TACC2: variants seen among roughly 807,000 people sequenced by gnomAD.
TACC2 encodes transforming acidic coiled-coil-containing protein 2.
In TACC2, 137 loss-of-function variants were observed where a neutral mutation model predicts 227.3. The ratio of observed to expected loss-of-function variants is 0.60; its 90% CI spans 0.52 to 0.69. TACC2 has a LOEUF of 0.69. Among genes scored for constraint, TACC2 ranks in the 30% least tolerant of loss-of-function variants. The pLI is 0.00. For missense variants in TACC2, 3,470 were observed against 3,694.4 expected, an observed-to-expected ratio of 0.94 and a Z score of 1.57; for synonymous variants, 1,523 against 1,487.5, an observed-to-expected ratio of 1.02 and a Z score of -0.55.
At chr10:121,990,989 T>C (rs1236182261) in intron 1 of TACC2, among the ~76,000 whole-genome samples, 1 of 152,168 alleles carries the variant, frequency 6.6e-6, no homozygotes, top group East Asian at 1.9e-4. Flanking sequence ...TTTTGCCATA[T>C]TGGCCAGGCT....
chr10:122,222,601 G>A (rs1423048502), intron 11 of TACC2, among the ~76,000 whole-genome samples: 1 of 152,214 alleles, frequency 6.6e-6, no homozygotes, highest in Non-Finnish European at 1.5e-5. Flanking sequence ...CTTCCTTTTG[G>A]CAGGTAGCAG....
intron 14 of TACC2, 67 bp downstream of exon 14, chr10:122,228,075 A>C: frequency 6.6e-7 from 1 of 1,524,350 alleles, no homozygotes; most frequent in Non-Finnish European, 8.9e-7. Flanking sequence ...ATTGTCACCA[A>C]GAAGGCCAGG....
intron 7 of TACC2, among the ~76,000 whole-genome samples, chr10:122,176,683 A>G (rs952650832): frequency 2.0e-5 from 3 of 152,218 alleles, no homozygotes; most frequent in Admixed American, 6.5e-5. Flanking sequence ...TTTGAATGAG[A>G]TTAGTCACAG....
intron 14 of TACC2, 39 bp downstream of exon 14, chr10:122,228,047 G>T: frequency 2.5e-6 from 4 of 1,590,932 alleles, no homozygotes; most frequent in Non-Finnish European, 3.4e-6. Flanking sequence ...CAGGGGATGA[G>T]GTGTGGGCCA....
chr10:122,234,116 C>G (rs1381956402), intron 16 of TACC2, among the ~76,000 whole-genome samples: 2 of 152,220 alleles, frequency 1.3e-5, no homozygotes, highest in African/African-American at 4.8e-5. Context: ...ATGGCAGGTG[C>G]TCTCCCCAGA....
At chr10:122,136,543 G>GTA (rs747076679) in intron 6 of TACC2, among the ~76,000 whole-genome samples, 149 of 143,282 alleles carry the variant, frequency 1.0e-3, no homozygotes, top group African/African-American at 3.5e-3. Flanking sequence ...TTGTGTGTGT[G>GTA]TGTATATATA....
intron 7 of TACC2, among the ~76,000 whole-genome samples, chr10:122,151,969 G>T (rs1431796559): frequency 6.6e-6 from 1 of 152,190 alleles, no homozygotes; most frequent in Non-Finnish European, 1.5e-5. Context: ...TCTGGGCAGG[G>T]GCTCGCTGGG....
intron 2 of TACC2, among the ~76,000 whole-genome samples, chr10:122,047,733 C>T (rs1419972459): frequency 6.6e-6 from 1 of 152,204 alleles, no homozygotes; most frequent in Non-Finnish European, 1.5e-5. Flanking sequence ...TCCCTTAAGA[C>T]AGTTGTGCAA....
At chr10:122,241,873 A>G (rs1028032601) in intron 18 of TACC2, 85 bp from the exon 19 acceptor site, 2 of 1,295,274 alleles carry the variant, frequency 1.5e-6, no homozygotes, top group Non-Finnish European at 2.2e-6. Flanking sequence ...CCTGCTGGAC[A>G]TGGGTCAGGC....
chr10:122,087,003 A>G lies in TACC2; in HGVS notation c.4503A>G (p.Ala1501=). ...CTTCAGACAAGCTTCTGGGTCCAGC[A>G]GGGCTGACCTGGGAGCGGAACTTGC... The part of the protein sequence containing the change: ...DPASDKLLGP[A]GLTWERNLPG... The change falls in exon 4 of 23, where the codon GCA becomes GCG. Residue 1501 remains alanine (A), a synonymous_variant. Coordinates refer to ENST00000369005, the MANE Select transcript of TACC2 (RefSeq NM_206862.4). 1 of 1,613,958 alleles carries G rather than the reference A, an allele frequency of 6.2e-7. No homozygotes were observed.
intron 5 of TACC2, among the ~76,000 whole-genome samples, chr10:122,118,994 C>A (rs954731070): frequency 4.6e-5 from 7 of 152,118 alleles, no homozygotes; most frequent in Non-Finnish European, 8.8e-5. Flanking sequence ...ATTAAACAAA[C>A]CACATAAGAT....
At chr10:122,162,179 C>T (rs1592764675) in intron 7 of TACC2, among the ~76,000 whole-genome samples, 1 of 152,102 alleles carries the variant, frequency 6.6e-6, no homozygotes, top group African/African-American at 2.4e-5. Context: ...TCCCAGAAAA[C>T]GATGTTGATC....
intron 7 of TACC2, among the ~76,000 whole-genome samples, chr10:122,146,826 G>A (rs1330874837): frequency 6.6e-6 from 1 of 152,170 alleles, no homozygotes; most frequent in Non-Finnish European, 1.5e-5. Context: ...ATCCCATCCA[G>A]GAAACCACAT....
chr10:122,203,606 C>G (rs916903983), intron 8 of TACC2, among the ~76,000 whole-genome samples: 2 of 151,784 alleles, frequency 1.3e-5, no homozygotes, highest in Admixed American at 6.6e-5. Flanking sequence ...GATGGGCGGC[C>G]GGGCAGAGAC....
At chr10:122,237,587 CG>C in intron 17 of TACC2, 49 bp downstream of exon 17, 1 of 1,577,172 alleles carries the variant, frequency 6.3e-7, no homozygotes, top group African/African-American at 1.3e-5. Flanking sequence ...CTTATAAATA[CG>C]TATGCTCGTG....
At position 122,229,435 on chromosome 10, in the gene TACC2, G is replaced by C; in HGVS notation, c.7986G>C (p.Leu2662=). 1 of 1,613,904 alleles carries C rather than the reference G, an allele frequency of 6.2e-7. No homozygotes were observed. The highest frequency in any genetic ancestry group is 1.1e-5 in the South Asian group (1 of 91,034). The part of the protein sequence containing the change: ...PVSLCGALDY[L]EPDLAEKNPP... ...CTCTCTGTGGTGCACTTGACTATCT[G>C]GAGCCCGACTTAGCAGAAAAGAACC... Residue 2662 remains leucine, a synonymous_variant, in exon 15 of 23, where the codon CTG becomes CTC. Transcript: ENST00000369005.
rs1217393518 is a variant in TACC2, at chr10:122,141,282, C to A, written c.5700-2290C>A. ...TTGGATGGTGAGTCACTGAGTGTTT[C>A]CTCGTGGGAGCCTGACCTCCTCGGC... is the stretch of plus-strand genomic sequence containing the variant. On this transcript the variant is annotated intron_variant, in intron 6 of 22. Transcript: ENST00000369005. The surrounding 1 kb of genome is among the most constrained non-coding windows in gnomAD (Gnocchi z 4.3). Among the ~76,000 whole-genome samples, 1 of 152,106 alleles carries A rather than the reference C, an allele frequency of 6.6e-6. No individual in the cohort carries two copies. The highest frequency in any genetic ancestry group is 1.5e-5 in the Non-Finnish European group (1 of 68,000).
intron 5 of TACC2, among the ~76,000 whole-genome samples, chr10:122,107,044 T>G (rs1301920668): frequency 3.9e-5 from 6 of 152,188 alleles, no homozygotes; most frequent in Non-Finnish European, 8.8e-5. Flanking sequence ...GTGAGAAAAC[T>G]ATCTCCAGAA....
chr10:122,195,838 A>T (rs937606325), intron 8 of TACC2, among the ~76,000 whole-genome samples: 8 of 152,182 alleles, frequency 5.3e-5, no homozygotes, highest in Non-Finnish European at 7.3e-5. Context: ...GGAGACTGGA[A>T]GAGATAGGGC....
Sources: allele counts gnomAD v4.1 joint callset (sites outside exome capture counted in the v4.1 genomes callset), GRCh38; gene constraint gnomAD v4.1.1; non-coding constraint Gnocchi (gnomAD v3.1); transcripts MANE v1.5; gene names NCBI Gene and HGNC (gene_info 2026-07-23, HGNC 2026-07-21).